The following DST variants were observed in gnomAD, a reference collection of about 807,000 sequenced individuals.
The protein encoded by DST is bullous pemphigoid antigen.
A neutral mutation model predicts 875.2 loss-of-function variants in DST; 253 were observed. The ratio of observed to expected loss-of-function variants is 0.29; its 90% CI spans 0.26 to 0.32. The LOEUF (loss-of-function observed/expected upper bound fraction) is 0.32. Among genes scored for constraint, DST ranks in the 10% least tolerant of loss-of-function variants. DST has a pLI of 1.00. For missense variants in DST, 8,287 were observed against 9,111.6 expected (o/e 0.91, Z 3.68); for synonymous variants, 3,124 against 3,197.1 (o/e 0.98, Z 0.77).
chr6:56,653,267 G>A (rs1197481998), intron 10 of DST, among the ~76,000 whole-genome samples: 3 of 152,176 alleles, frequency 2.0e-5, no homozygotes, highest in African/African-American at 7.2e-5. Context: ...GTCTGAGTAA[G>A]TCATCTCTTT....
intron 47 of DST, among the ~76,000 whole-genome samples, chr6:56,596,352 A>G (rs2098386755): frequency 6.6e-6 from 1 of 152,118 alleles, no homozygotes; most frequent in Admixed American, 6.6e-5. Flanking sequence ...TAAAGCACAG[A>G]TTCCCATATT....
Position 56,605,332 on chromosome 6 carries a change from T to C in DST, c.9296A>G (p.Asn3099Ser). The change falls in exon 40 of 104, where the codon AAC becomes AGC. Residue 3099 changes from asparagine (N) to serine (S), a missense_variant. Around this residue, in one of 10 missense-constraint regions of DST, gnomAD observed 3,138 missense variants for 3,116.6 expected, o/e 1.01. Coordinates refer to ENST00000680361, the MANE Select transcript of DST (RefSeq NM_001374736.1). ...NSQFPFPQITNNEELNQKGSL... is the reference protein window; with the variant it reads ...NSQFPFPQITSNEELNQKGSL... The stretch of plus-strand genomic sequence containing the variant: ...TCCTTTCTGATTAAGTTCTTCATTG[T>C]TTGTGATTTGTGGAAATGGAAACTG... 1 of 1,612,338 alleles carries C rather than the reference T, an allele frequency of 6.2e-7. No homozygotes were observed. The highest frequency in any genetic ancestry group is 8.5e-7 in the Non-Finnish European group (1 of 1,179,132).
At position 56,497,979 on chromosome 6, in the gene DST, T is replaced by A. The variant is rs374084389; in HGVS notation, c.19971A>T (p.Glu6657Asp). ...TGCTTGCTTCTTCTCCTGCACTTGA[T>A]TCAATTAGATCATTTCCTGCTTTAT... ...AVNKAGNDLIESSAGEEASNL... is the reference protein window; with the variant it reads ...AVNKAGNDLIDSSAGEEASNL... The change falls in exon 81 of 104, where the codon GAA (glutamate) becomes GAT (aspartate). Residue 6657 changes from glutamate to aspartate, a missense_variant. Glu to Asp is a conservative substitution (Grantham distance 45). Coordinates refer to ENST00000680361, the MANE Select transcript of DST (RefSeq NM_001374736.1). The A allele has an allele frequency of 1.1e-5, 17 of 1,613,438 alleles. No homozygotes were observed. In the African/African-American group the frequency reaches 1.5e-4, roughly 14 times the overall value.
At chr6:56,691,035 C>T (rs1224905333) in intron 9 of DST, among the ~76,000 whole-genome samples, 2 of 152,150 alleles carry the variant, frequency 1.3e-5, no homozygotes, top group South Asian at 4.1e-4. Flanking sequence ...AGTTATTTCG[C>T]AAATCTGACT....
At chr6:56,526,591 T>C (rs377500501) in intron 68 of DST, 24 bp from the exon 69 acceptor site, 2 of 1,606,798 alleles carry the variant, frequency 1.2e-6, no homozygotes, top group East Asian at 2.2e-5. Context: ...AATAAGTTAG[T>C]AACACTTAAG....
At chr6:56,745,977 T>G (rs754067386) in intron 4 of DST, among the ~76,000 whole-genome samples, 1 of 151,482 alleles carries the variant, frequency 6.6e-6, no homozygotes, top group Non-Finnish European at 1.5e-5. Flanking sequence ...GGCAGAGACT[T>G]TTTTATTTTT....
chr6:56,896,372 G>C (rs34733863), intron 3 of DST, among the ~76,000 whole-genome samples: 21,442 of 151,996 alleles, frequency 0.14, 1,973 homozygotes, highest in Middle Eastern at 0.23. Flanking sequence ...TTTATCAGGG[G>C]TTTCTGCTTT....
At chr6:56,565,763 G>A (rs537163566) in intron 55 of DST, among the ~76,000 whole-genome samples, 13 of 152,324 alleles carry the variant, frequency 8.5e-5, no homozygotes, top group Middle Eastern at 3.4e-3. Context: ...GAGCCAGCAG[G>A]CAGGGATGTT....
At position 56,620,067 on chromosome 6, in the gene DST, T is replaced by C. The variant is rs776195068; in HGVS notation, c.4929+4463A>G. The C allele has an allele frequency of 1.2e-6, 2 of 1,613,842 alleles. No individual in the cohort carries two copies. Among genetic ancestry groups the C allele is most frequent in the African/African-American group, 1.3e-5 (1 of 75,052 alleles). On this transcript the variant is annotated intron_variant, in intron 36 of 103. Transcript: ENST00000680361. Reference sequence around the variant, plus strand: ...CTACATGTATACTGAATTTCAGTTATTTTTCTTCTTGCTTCCAATTCAATT... The same window carrying C: ...CTACATGTATACTGAATTTCAGTTACTTTTCTTCTTGCTTCCAATTCAATT...
chr6:56,696,421 C>G (rs1268042904), intron 9 of DST, among the ~76,000 whole-genome samples: 8 of 152,182 alleles, frequency 5.3e-5, no homozygotes, highest in Admixed American at 5.2e-4. Context: ...CTCGGCCTCC[C>G]AAAGTGCTGG....
chr6:56,814,553 C>G (rs1297406633), intron 4 of DST, among the ~76,000 whole-genome samples: 2 of 152,194 alleles, frequency 1.3e-5, no homozygotes, highest in Non-Finnish European at 2.9e-5. Context: ...TAATTTGAGG[C>G]ATCTCTTTTT....
intron 80 of DST, 31 bp from the exon 81 acceptor site, chr6:56,498,084 T>C (rs890836470): frequency 1.3e-5 from 20 of 1,581,750 alleles, no homozygotes; most frequent in Non-Finnish European, 1.6e-5. Context: ...CCATGTTTGC[T>C]AGTTTGTAAC....
chr6:56,572,815 T>A lies in DST; in HGVS notation c.13486A>T (p.Lys4496Ter). 1 of 1,611,068 alleles carries A rather than the reference T, an allele frequency of 6.2e-7. No individual in the cohort carries two copies. The highest frequency in any genetic ancestry group is 1.7e-5 in the Admixed American group (1 of 59,464). Reference sequence around the variant, plus strand: ...TCTACTTCAGTAAGAGCCTGAGTTTTTGTTTCTAAAAATGTCTGGAGCTTT... The same window carrying A: ...TCTACTTCAGTAAGAGCCTGAGTTTATGTTTCTAAAAATGTCTGGAGCTTT... ...SEKLQTFLET[K>*]TQALTEVDVP... The change falls in exon 52 of 104, where the codon AAA (lysine) becomes TAA (stop). Residue 4496 changes from lysine to a stop codon, truncating the protein, a stop_gained. Coordinates refer to ENST00000680361, the MANE Select transcript of DST (RefSeq NM_001374736.1). LOFTEE classifies it high-confidence loss of function.
chr6:56,570,465 T>C (rs1257431445), intron 53 of DST, among the ~76,000 whole-genome samples: 1 of 152,138 alleles, frequency 6.6e-6, no homozygotes, highest in African/African-American at 2.4e-5. Context: ...GCATGCACCC[T>C]AGATCCCTTG....
At chr6:56,946,044 T>C (rs1234249857) in intron 2 of DST, among the ~76,000 whole-genome samples, 21 of 152,154 alleles carry the variant, frequency 1.4e-4, no homozygotes, top group Admixed American at 1.2e-3. Context: ...GTGAACTGTA[T>C]GGTACGTAAA....
chr6:56,954,760 G>C lies in DST; in HGVS notation c.-173C>G. On this transcript the variant is annotated 5_prime_UTR_variant, in exon 1 of 104. Coordinates refer to ENST00000680361, the MANE Select transcript of DST (RefSeq NM_001374736.1). ...TGGCTGCGCACCCCGCGCCAGCCGCGCTACGCGAGTGATCCAGGGCTGCGG... is the reference window on the plus strand; with the variant it reads ...TGGCTGCGCACCCCGCGCCAGCCGCCCTACGCGAGTGATCCAGGGCTGCGG... 1.0e-5 allele frequency: 2 copies of C among 196,494 alleles called. No homozygotes were observed. The highest frequency in any genetic ancestry group is 1.9e-5 in the Non-Finnish European group (2 of 106,094). 12.2% of individuals were successfully genotyped at this position (196,494 alleles called of 1,614,324 possible). A position where few individuals can be genotyped will look rare whatever the true frequency, so the allele number is the denominator to read the frequency against.
At chr6:56,744,378 CAA>C (rs35008377) in intron 4 of DST, among the ~76,000 whole-genome samples, 3 of 132,676 alleles carry the variant, frequency 2.3e-5, no homozygotes, top group African/African-American at 2.7e-5. Context: ...GGCTGTATCT[CAA>C]AAAAAAAAAA....
intron 1 of DST, 26 bp downstream of exon 1, chr6:56,954,381 C>G: frequency 2.2e-6 from 3 of 1,356,280 alleles, no homozygotes; most frequent in Non-Finnish European, 3.0e-6. Context: ...TGGTAGCCCG[C>G]AGAAACCCGT....
intron 5 of DST, among the ~76,000 whole-genome samples, chr6:56,726,446 A>C (rs1327489967): frequency 1.3e-5 from 2 of 152,242 alleles, no homozygotes; most frequent in African/African-American, 4.8e-5. Context: ...AACAGTGGTT[A>C]AGAACAGCAA....
Sources: allele counts gnomAD v4.1 joint callset (sites outside exome capture counted in the v4.1 genomes callset), GRCh38; gene constraint gnomAD v4.1.1; regional missense constraint gnomAD v4.1.1; transcripts MANE v1.5; gene names NCBI Gene and HGNC (gene_info 2026-07-23, HGNC 2026-07-21).